MACROD2: variants seen among roughly 807,000 people sequenced by gnomAD.
MACROD2 encodes ADP-ribose glycohydrolase MACROD2.
MACROD2 carries 36 observed loss-of-function variants against 70.4 expected under a neutral mutation model. The ratio of observed to expected loss-of-function variants is 0.51; its 90% confidence interval spans 0.39 to 0.68. The LOEUF is 0.68. Among genes scored for constraint, MACROD2 ranks in the 30% least tolerant of loss-of-function variants. The pLI is 0.00. For missense variants in MACROD2, 496 were observed against 538.4 expected (o/e 0.92, Z 0.78); for synonymous variants, 172 against 178.8 (o/e 0.96, Z 0.30).
chr20:15,335,215 TGCTC>T (rs2078035390), intron 6 of MACROD2, among the ~76,000 whole-genome samples: 2 of 151,792 alleles, frequency 1.3e-5, no homozygotes, highest in African/African-American at 2.4e-5. Context: ...CTTAGTGACT[TGCTC>T]TTTATAATTT....
At chr20:15,743,109 C>T (rs1257732179) in intron 8 of MACROD2, among the ~76,000 whole-genome samples, 1 of 152,154 alleles carries the variant, frequency 6.6e-6, no homozygotes, top group Non-Finnish European at 1.5e-5. Flanking sequence ...GAAGTAATGA[C>T]AAAGAAGAAC....
intron 3 of MACROD2, among the ~76,000 whole-genome samples, chr20:14,426,142 C>T (rs891031542): frequency 5.3e-5 from 8 of 152,194 alleles, no homozygotes; most frequent in African/African-American, 1.9e-4. Flanking sequence ...TAAATTATAT[C>T]ATTGATTTTA....
chr20:15,085,873 AACACACACACACACACACACAC>A (rs3070249), intron 5 of MACROD2, among the ~76,000 whole-genome samples: 3 of 144,292 alleles, frequency 2.1e-5, no homozygotes, highest in East Asian at 4.1e-4. Context: ...ACACACACAC[AACACACACACACACACACACAC>A]ACACACACAC....
chr20:14,752,725 T>C (rs1161098962), intron 5 of MACROD2, among the ~76,000 whole-genome samples: 1 of 152,126 alleles, frequency 6.6e-6, no homozygotes, highest in African/African-American at 2.4e-5. Flanking sequence ...TCTCATGCCA[T>C]GCTTAACCGT....
intron 4 of MACROD2, among the ~76,000 whole-genome samples, chr20:14,675,281 A>T (rs1203454797): frequency 5.3e-5 from 8 of 152,220 alleles, no homozygotes; most frequent in Admixed American, 4.6e-4. Flanking sequence ...AATGAAGGAA[A>T]AAATATTAAA....
chr20:15,947,131 G>C (rs2065835397), intron 12 of MACROD2, among the ~76,000 whole-genome samples: 1 of 152,162 alleles, frequency 6.6e-6, no homozygotes, highest in African/African-American at 2.4e-5. Flanking sequence ...GTACAATCGG[G>C]TTTTATACCG....
At chr20:15,009,026 G>A (rs1049249042) in intron 5 of MACROD2, among the ~76,000 whole-genome samples, 3 of 152,058 alleles carry the variant, frequency 2.0e-5, no homozygotes, top group South Asian at 2.1e-4. Context: ...GAACCTGTGA[G>A]GTTCAGCATG....
intron 3 of MACROD2, among the ~76,000 whole-genome samples, chr20:14,467,851 C>G (rs1205486020): frequency 6.6e-6 from 1 of 152,082 alleles, no homozygotes; most frequent in Non-Finnish European, 1.5e-5. Context: ...TTATTTCTGC[C>G]TTAATTTCAT....
intron 8 of MACROD2, among the ~76,000 whole-genome samples, chr20:15,797,207 A>G (rs4426588): frequency 0.29 from 43,282 of 151,854 alleles, 6,641 homozygotes; most frequent in East Asian, 0.45. Flanking sequence ...TCCGCCTCCC[A>G]GGTTCACGCC....
intron 3 of MACROD2, among the ~76,000 whole-genome samples, chr20:14,121,978 C>T (rs946074031): frequency 3.3e-5 from 5 of 152,082 alleles, no homozygotes; most frequent in Non-Finnish European, 7.4e-5. Context: ...AATTTAGAGA[C>T]ATAAATGAAT....
At chr20:15,450,511 C>T (rs2046626460) in intron 7 of MACROD2, among the ~76,000 whole-genome samples, 1 of 151,786 alleles carries the variant, frequency 6.6e-6, no homozygotes, top group African/African-American at 2.4e-5. Flanking sequence ...GTATTATATA[C>T]AATAAAAAAT....
At chr20:14,853,848 T>A (rs1438813352) in intron 5 of MACROD2, among the ~76,000 whole-genome samples, 1 of 152,034 alleles carries the variant, frequency 6.6e-6, no homozygotes, top group Non-Finnish European at 1.5e-5. Context: ...GTGCTGGAAG[T>A]GGGAAAAGTA....
At chr20:15,770,452 C>T (rs2051605804) in intron 8 of MACROD2, among the ~76,000 whole-genome samples, 1 of 151,992 alleles carries the variant, frequency 6.6e-6, no homozygotes, top group Admixed American at 6.6e-5. Flanking sequence ...TGAAATAATT[C>T]CAGAAGACTT....
intron 12 of MACROD2, among the ~76,000 whole-genome samples, chr20:15,967,337 T>C (rs559923333): frequency 1.3e-5 from 2 of 152,298 alleles, no homozygotes; most frequent in East Asian, 1.9e-4. Context: ...CCCAGCTAGC[T>C]ACATCTCTAC....
intron 5 of MACROD2, among the ~76,000 whole-genome samples, chr20:15,041,761 A>G (rs896287321): frequency 8.4e-4 from 127 of 152,072 alleles, no homozygotes; most frequent in African/African-American, 2.9e-3. Context: ...TTTAATTTAT[A>G]TTTTTCAGAT....
chr20:14,679,130 A>G (rs1166352939), intron 4 of MACROD2, among the ~76,000 whole-genome samples: 5 of 152,348 alleles, frequency 3.3e-5, no homozygotes, highest in Middle Eastern at 6.8e-3. Flanking sequence ...GCATATAAGC[A>G]TTCTGCTGTG....
At chr20:15,876,959 T>A (rs1188955575) in intron 9 of MACROD2, among the ~76,000 whole-genome samples, 1 of 152,168 alleles carries the variant, frequency 6.6e-6, no homozygotes, top group Non-Finnish European at 1.5e-5. Context: ...CATAATCCAC[T>A]GCAATAACGT....
At chr20:14,652,227 A>G (rs2123512814) in intron 4 of MACROD2, among the ~76,000 whole-genome samples, 1 of 152,286 alleles carries the variant, frequency 6.6e-6, no homozygotes, top group African/African-American at 2.4e-5. Context: ...TTTAACCCCA[A>G]ATGATTAACC....
At chr20:14,187,895 A>C (rs1301649328) in intron 3 of MACROD2, among the ~76,000 whole-genome samples, 1 of 152,124 alleles carries the variant, frequency 6.6e-6, no homozygotes, top group Non-Finnish European at 1.5e-5. Context: ...GTCTGTACTA[A>C]GCTGGACTTT....
Sources: gnomAD v4.1 joint callset for allele counts (sites outside exome capture counted in the v4.1 genomes callset) on GRCh38, gnomAD v4.1.1 for gene constraint, MANE v1.5 for transcripts, NCBI Gene and HGNC (gene_info 2026-07-23, HGNC 2026-07-21) for gene names.